PHLPP1: variants seen among roughly 807,000 people sequenced by gnomAD.
PHLPP1 encodes the protein PH domain and leucine rich repeat protein phosphatase 1.
In PHLPP1, 42 loss-of-function variants were observed where a neutral mutation model predicts 117.2. The ratio of observed to expected loss-of-function variants is 0.36; its 90% confidence interval spans 0.28 to 0.46. The LOEUF (loss-of-function observed/expected upper bound fraction) is 0.46. Among genes scored for constraint, PHLPP1 ranks in the 20% least tolerant of loss-of-function variants. The pLI is 1.00. For missense variants in PHLPP1, 2,084 were observed against 2,241.9 expected (o/e 0.93, Z 1.42); for synonymous variants, 1,042 against 970.7 (o/e 1.07, Z -1.37).
At chr18:62,954,397 A>G (rs984652438) in intron 12 of PHLPP1, among the ~76,000 whole-genome samples, 1 of 152,202 alleles carries the variant, frequency 6.6e-6, no homozygotes, top group Non-Finnish European at 1.5e-5. Flanking sequence ...TAACAATATA[A>G]AGGGTCTTTT....
At chr18:62,854,084 T>G (rs1487235907) in intron 3 of PHLPP1, among the ~76,000 whole-genome samples, 1 of 152,230 alleles carries the variant, frequency 6.6e-6, no homozygotes, top group African/African-American at 2.4e-5. Context: ...TGTTCCTACC[T>G]ACCCCACATA....
At chr18:62,843,256 A>G (rs1035284907) in intron 3 of PHLPP1, among the ~76,000 whole-genome samples, 3 of 152,216 alleles carry the variant, frequency 2.0e-5, no homozygotes, top group Admixed American at 6.5e-5. Flanking sequence ...AACAGGAACA[A>G]AAGTTTCTGA....
chr18:62,827,054 C>T (rs570910996), intron 1 of PHLPP1, among the ~76,000 whole-genome samples: 6 of 152,184 alleles, frequency 3.9e-5, no homozygotes, highest in Middle Eastern at 3.4e-3. Context: ...GATTCTTTAG[C>T]ATTGTGCTGT....
At chr18:62,752,169 T>C (rs1444371136) in intron 1 of PHLPP1, among the ~76,000 whole-genome samples, 3 of 152,300 alleles carry the variant, frequency 2.0e-5, no homozygotes, top group African/African-American at 7.2e-5. Flanking sequence ...CCTTAAACAC[T>C]TGGGCTCAGG....
intron 10 of PHLPP1, among the ~76,000 whole-genome samples, chr18:62,926,758 T>C (rs572511306): frequency 6.6e-6 from 1 of 152,304 alleles, no homozygotes; most frequent in South Asian, 2.1e-4. Context: ...GATTGCACCC[T>C]ACTGAGCTAG....
chr18:62,811,141 A>G (rs571608154), intron 1 of PHLPP1, among the ~76,000 whole-genome samples: 1 of 152,348 alleles, frequency 6.6e-6, no homozygotes, highest in South Asian at 2.1e-4. Context: ...AAAATAATTC[A>G]GTAGTAGAAA....
intron 10 of PHLPP1, among the ~76,000 whole-genome samples, chr18:62,928,860 G>A (rs1249198419): frequency 6.6e-6 from 1 of 152,192 alleles, no homozygotes; most frequent in Admixed American, 6.5e-5. Flanking sequence ...AACCCTGAAA[G>A]CAGTATGCTA....
chr18:62,895,723 A>G, intron 5 of PHLPP1, 58 bp from the exon 6 acceptor site: 1 of 1,063,866 alleles, frequency 9.4e-7, no homozygotes. Flanking sequence ...TTGTATGTTG[A>G]TAATAAAGAT....
At chr18:62,869,709 ATTTG>A (rs1366253421) in intron 4 of PHLPP1, among the ~76,000 whole-genome samples, 2 of 152,182 alleles carry the variant, frequency 1.3e-5, no homozygotes, top group African/African-American at 4.8e-5. Flanking sequence ...AGTGATTTTG[ATTTG>A]TTTAAGGTAG....
intron 1 of PHLPP1, among the ~76,000 whole-genome samples, chr18:62,769,067 C>T (rs1912659834): frequency 6.6e-6 from 1 of 152,096 alleles, no homozygotes; most frequent in East Asian, 1.9e-4. Flanking sequence ...TAAAGATAGA[C>T]TAAGTCCTTA....
At chr18:62,721,662 CAT>C (rs1368878997) in intron 1 of PHLPP1, among the ~76,000 whole-genome samples, 1 of 152,052 alleles carries the variant, frequency 6.6e-6, no homozygotes, top group African/African-American at 2.4e-5. Context: ...CCTTGAATTT[CAT>C]AGTTATTCCT....
At chr18:62,808,292 A>G (rs1446949849) in intron 1 of PHLPP1, among the ~76,000 whole-genome samples, 1 of 152,144 alleles carries the variant, frequency 6.6e-6, no homozygotes, top group Non-Finnish European at 1.5e-5. Flanking sequence ...ATTCAAGTGA[A>G]GAAGACTGGG....
intron 1 of PHLPP1, among the ~76,000 whole-genome samples, chr18:62,811,445 T>G (rs1914114923): frequency 6.6e-6 from 1 of 152,170 alleles, no homozygotes; most frequent in African/African-American, 2.4e-5. Flanking sequence ...TATGTAATGA[T>G]TACAACTATG....
intron 12 of PHLPP1, among the ~76,000 whole-genome samples, chr18:62,949,394 C>T (rs1169423766): frequency 6.6e-6 from 1 of 152,172 alleles, no homozygotes; most frequent in African/African-American, 2.4e-5. Flanking sequence ...TATTCATGTA[C>T]ACCTTAAACA....
chr18:62,938,017 TAAAAA>T (rs1910025775), intron 10 of PHLPP1, among the ~76,000 whole-genome samples: 1 of 151,576 alleles, frequency 6.6e-6, no homozygotes, highest in Non-Finnish European at 1.5e-5. Context: ...AAAAAGAAAA[TAAAAA>T]AGAAGAAGGA....
chr18:62,867,129 T>C (rs1329808286), intron 4 of PHLPP1, among the ~76,000 whole-genome samples: 1 of 152,204 alleles, frequency 6.6e-6, no homozygotes, highest in Non-Finnish European at 1.5e-5. Flanking sequence ...AAGTTTACAA[T>C]AAGAAGTAGG....
Position 62,903,095 on chromosome 18 carries a change from G to A in PHLPP1, c.2576G>A (p.Cys859Tyr), listed in dbSNP as rs750260053. The change falls in exon 7 of 17, where the codon TGT (cysteine) becomes TAT (tyrosine). Residue 859 changes from cysteine (C) to tyrosine (Y), a missense_variant. By Grantham distance (194) the Cys-to-Tyr change is radical (BLOSUM62 -2). This residue lies in a region of PHLPP1 where 1,365 missense variants were observed against 1,605.9 expected (regional missense o/e 0.85). Transcript: ENST00000262719. ...TTCAACAACATTGAAGTTTTACACT[G>A]TGAAAGGAATCAACTGGTCACATTA... The part of the protein sequence containing the change: ...MIFNNIEVLH[C>Y]ERNQLVTLDI... The A allele has an allele frequency of 1.2e-6, 2 of 1,613,674 alleles. No individual in the cohort carries two copies. The highest frequency in any genetic ancestry group is 1.7e-6 in the Non-Finnish European group (2 of 1,179,734).
rs371713811 is a variant in PHLPP1 at position 62,881,383 on chromosome 18, T to C, written c.2067-13628T>C. Among the ~76,000 whole-genome samples, 44 of 152,368 alleles carry C rather than the reference T, an allele frequency of 2.9e-4. No individual in the cohort carries two copies. The East Asian group carries it at 2.9e-3, about 10-fold the overall frequency. ...TCTTTATTTCTTTGATTATTACTTT[T>C]GAAAAATTATGAGTTTTAGCTTTGG... On this transcript the variant is annotated intron_variant, in intron 4 of 16. Coordinates refer to ENST00000262719, the MANE Select transcript of PHLPP1 (RefSeq NM_194449.4).
rs1273442243 is a variant in PHLPP1, at chr18:62,957,454, CTT to C, written c.3325-1165_3325-1164del. Among the ~76,000 whole-genome samples the C allele has an allele frequency of 1.5e-4, 22 of 146,100 alleles. No homozygotes were observed. In the East Asian group the frequency reaches 2.4e-3, roughly 16 times the overall value. On this transcript the variant is annotated intron_variant, in intron 12 of 16. Coordinates refer to ENST00000262719, the MANE Select transcript of PHLPP1 (RefSeq NM_194449.4). ...GTAGGATCCATACTTGACTCAGCCC[CTT>C]TTTTTTTTTGACACAGATTAGGCAG... is the stretch of plus-strand genomic sequence containing the variant.
Sources: gnomAD v4.1 joint callset for allele counts (sites outside exome capture counted in the v4.1 genomes callset) on GRCh38, gnomAD v4.1.1 for gene constraint, gnomAD v4.1.1 regional missense constraint, MANE v1.5 for transcripts, NCBI Gene and HGNC (gene_info 2026-07-23, HGNC 2026-07-21) for gene names.